NXPE2: variants seen among roughly 807,000 people sequenced by gnomAD.
NXPE2 encodes the protein neurexophilin and PC-esterase domain family member 2.
Under a neutral mutation model 34.4 loss-of-function variants are expected in NXPE2, and 34 were observed. That is an observed-to-expected ratio of 0.99 (90% CI 0.75 to 1.31). The LOEUF (loss-of-function observed/expected upper bound fraction) is 1.31, where lower values mean the gene tolerates loss of function less well. NXPE2 is among the 40% of genes most tolerant of loss of function. NXPE2 has a pLI of 0.00. For missense variants in NXPE2, 649 were observed against 672.5 expected (o/e 0.97, Z 0.39); for synonymous variants, 235 against 231.3 (o/e 1.02, Z -0.15).
the NXPE2 span, among the ~76,000 whole-genome samples, chr11:114,750,256 G>C: frequency 2.0e-3 from 306 of 152,202 alleles, no homozygotes; most frequent in African/African-American, 7.2e-3. Flanking sequence ...TATCATATCT[G>C]GTATGTTTCT....
At chr11:114,530,216 C>T in the NXPE2 span, 1 of 1,612,560 alleles carries the variant, frequency 6.2e-7, no homozygotes, top group East Asian at 2.2e-5. Context: ...GATAAGATAC[C>T]TCTCTATTCC....
the NXPE2 span, among the ~76,000 whole-genome samples, chr11:114,499,574 C>T: frequency 1.3e-5 from 2 of 152,096 alleles, no homozygotes; most frequent in East Asian, 1.9e-4. Flanking sequence ...GTATAATTTA[C>T]AAGCAAGAAA....
At chr11:114,761,104 C>G in the NXPE2 span, among the ~76,000 whole-genome samples, 1 of 152,192 alleles carries the variant, frequency 6.6e-6, no homozygotes, top group East Asian at 1.9e-4. Context: ...ATCCCAGATA[C>G]TTTGAAATGG....
At chr11:114,529,079 A>T in the NXPE2 span, 1 of 358,028 alleles carries the variant, frequency 2.8e-6, no homozygotes. Context: ...CTCTTAGCAT[A>T]TTTTTTTTGA....
the NXPE2 span, among the ~76,000 whole-genome samples, chr11:114,660,627 C>T: frequency 1.0e-3 from 155 of 152,028 alleles, 1 homozygote; most frequent in Admixed American, 8.3e-3. Context: ...TCGATAAAGG[C>T]ATTTAGGAAA....
At chr11:114,766,596 C>A in the NXPE2 span, among the ~76,000 whole-genome samples, 17 of 151,360 alleles carry the variant, frequency 1.1e-4, no homozygotes, top group African/African-American at 4.1e-4. Flanking sequence ...TTCTCTGTTC[C>A]TTCTTTCCCC....
At chr11:114,587,221 T>A in the NXPE2 span, among the ~76,000 whole-genome samples, 3 of 152,184 alleles carry the variant, frequency 2.0e-5, no homozygotes, top group Non-Finnish European at 4.4e-5. Context: ...CAAATTTTAG[T>A]CTGAACATGG....
chr11:114,633,250 AAT>A, the NXPE2 span, among the ~76,000 whole-genome samples: 1 of 134,528 alleles, frequency 7.4e-6, no homozygotes. Flanking sequence ...TATAATATAT[AAT>A]ATATAAGAAT....
the NXPE2 span, among the ~76,000 whole-genome samples, chr11:114,768,495 T>C: frequency 3.3e-5 from 5 of 152,334 alleles, no homozygotes; most frequent in East Asian, 9.6e-4. Flanking sequence ...TATAAATTAC[T>C]TTGGGCAATA....
chr11:114,554,532 T>G, the NXPE2 span: 1 of 258,724 alleles, frequency 3.9e-6, no homozygotes, highest in African/African-American at 2.3e-5. Flanking sequence ...GAGGTATAGT[T>G]ATCAACATTT....
chr11:114,578,015 A>G, the NXPE2 span, among the ~76,000 whole-genome samples: 1 of 152,208 alleles, frequency 6.6e-6, no homozygotes, highest in Admixed American at 6.5e-5. Flanking sequence ...ACATGAATAG[A>G]ATAAAATGAA....
the NXPE2 span, among the ~76,000 whole-genome samples, chr11:114,628,389 T>C: frequency 9.1e-3 from 1,384 of 152,226 alleles, 19 homozygotes; most frequent in African/African-American, 0.032. Context: ...CTGAACTACA[T>C]GGAAACTGAA....
the NXPE2 span, among the ~76,000 whole-genome samples, chr11:114,727,314 T>A: frequency 5.3e-5 from 8 of 152,158 alleles, no homozygotes; most frequent in Admixed American, 4.6e-4. Flanking sequence ...ACCTCTCATA[T>A]CTTCAGGAGT....
At chr11:114,777,155 GA>G in the NXPE2 span, among the ~76,000 whole-genome samples, 1 of 152,186 alleles carries the variant, frequency 6.6e-6, no homozygotes, top group African/African-American at 2.4e-5. Flanking sequence ...CCTTCAAAAA[GA>G]TATGACCTAA....
chr11:114,647,991 T>C, the NXPE2 span, among the ~76,000 whole-genome samples: 1 of 152,210 alleles, frequency 6.6e-6, no homozygotes, highest in Non-Finnish European at 1.5e-5. Context: ...TGAGCCACTG[T>C]TGCCGGCCGA....
the NXPE2 span, among the ~76,000 whole-genome samples, chr11:114,750,255 T>G: frequency 6.6e-6 from 1 of 152,218 alleles, no homozygotes; most frequent in Admixed American, 6.5e-5. Flanking sequence ...TTATCATATC[T>G]GGTATGTTTC....
chr11:114,497,004 A>G, the NXPE2 span, among the ~76,000 whole-genome samples: 1 of 152,240 alleles, frequency 6.6e-6, no homozygotes, highest in Non-Finnish European at 1.5e-5. Flanking sequence ...ACTATATGAT[A>G]CTTTTTATTG....
the NXPE2 span, among the ~76,000 whole-genome samples, chr11:114,619,126 G>A: frequency 9.2e-5 from 14 of 152,096 alleles, no homozygotes; most frequent in South Asian, 6.2e-4. Context: ...GTGTTGCCTC[G>A]TGGGTAACCA....
At chr11:114,738,783 A>C in the NXPE2 span, among the ~76,000 whole-genome samples, 2 of 151,956 alleles carry the variant, frequency 1.3e-5, no homozygotes, top group African/African-American at 4.8e-5. Flanking sequence ...CCAGCACCTC[A>C]TGCCCCCCAC....
Sources: gnomAD v4.1 joint callset for allele counts (sites outside exome capture counted in the v4.1 genomes callset) on GRCh38, gnomAD v4.1.1 for gene constraint, MANE v1.5 for transcripts, NCBI Gene and HGNC (gene_info 2026-07-23, HGNC 2026-07-21) for gene names.